SYN3: variants seen among roughly 807,000 people sequenced by gnomAD.
The protein encoded by SYN3 is synapsin III, also known as synapsin-3.
In SYN3, 35 loss-of-function variants were observed where a neutral mutation model predicts 65.8. The observed-to-expected ratio is 0.53, with a 90% confidence interval of 0.41 to 0.70. SYN3 has a LOEUF of 0.70. Among genes scored for constraint, SYN3 ranks in the 30% least tolerant of loss-of-function variants. SYN3 has a pLI of 0.00. For synonymous variants in SYN3, 270 were observed against 292.9 expected, an observed-to-expected ratio of 0.92 and a Z score of 0.80; for missense variants, 680 against 749.0, an observed-to-expected ratio of 0.91 and a Z score of 1.08.
At chr22:32,752,768 CAG>C (rs1473886762) in intron 6 of SYN3, among the ~76,000 whole-genome samples, 1 of 152,156 alleles carries the variant, frequency 6.6e-6, no homozygotes, top group African/African-American at 2.4e-5. Flanking sequence ...GACAGGAGAT[CAG>C]AGAGTTCCTG....
chr22:32,913,972 T>C (rs2050125565), intron 4 of SYN3, among the ~76,000 whole-genome samples: 1 of 152,226 alleles, frequency 6.6e-6, no homozygotes, highest in South Asian at 2.1e-4. Flanking sequence ...CTAAGATTTA[T>C]TGGGTGCTGA....
chr22:33,047,674 A>G (rs1187441840), intron 1 of SYN3, among the ~76,000 whole-genome samples: 1 of 152,074 alleles, frequency 6.6e-6, no homozygotes, highest in Non-Finnish European at 1.5e-5. Flanking sequence ...ATGTGAACAA[A>G]GAAGTTTGAG....
intron 6 of SYN3, among the ~76,000 whole-genome samples, chr22:32,626,936 G>T (rs1325818252): frequency 6.6e-6 from 1 of 152,192 alleles, no homozygotes; most frequent in Non-Finnish European, 1.5e-5. Context: ...ACACCTGGTT[G>T]GTTGGCAATA....
In SYN3 at chr22:32,509,105, T is replaced by C. The variant is rs181255826; in HGVS notation, c.*4587A>G. 1.1e-4 allele frequency among the ~76,000 whole-genome samples: 17 copies of C among 152,368 alleles called. No homozygotes were observed. The East Asian group carries it at 2.9e-3, about 26-fold the overall frequency. ...TGATGGAAGAGAAAGGATATGCCAC[T>C]GTTCCTGGAAAGCTGATTTTACATT... On this transcript the variant is annotated 3_prime_UTR_variant, in exon 14 of 14. Coordinates refer to ENST00000358763, the MANE Select transcript of SYN3 (RefSeq NM_003490.4).
chr22:33,024,271 A>G (rs2053604790), intron 1 of SYN3, among the ~76,000 whole-genome samples: 1 of 152,228 alleles, frequency 6.6e-6, no homozygotes, highest in African/African-American at 2.4e-5. Context: ...TTTCCATCAC[A>G]GACCTATGGC....
intron 4 of SYN3, among the ~76,000 whole-genome samples, chr22:32,902,689 C>T (rs747971727): frequency 3.3e-5 from 5 of 152,018 alleles, no homozygotes; most frequent in African/African-American, 4.8e-5. Context: ...GGATGGGACT[C>T]GTGGGCAGGT....
At chr22:32,668,902 G>A in intron 6 of SYN3, among the ~76,000 whole-genome samples, 1 of 152,176 alleles carries the variant, frequency 6.6e-6, no homozygotes, top group East Asian at 1.9e-4. Context: ...CTGTGTTCTA[G>A]GAGCCACATG....
intron 12 of SYN3, 162 bp downstream of exon 12, chr22:32,527,756 T>G (rs914698747): frequency 1.7e-6 from 1 of 605,354 alleles, no homozygotes; most frequent in East Asian, 2.9e-5. Flanking sequence ...CTTTCTTGAC[T>G]TTTTAAAGAG....
At chr22:32,605,260 G>A (rs1410788547) in intron 6 of SYN3, among the ~76,000 whole-genome samples, 2 of 152,112 alleles carry the variant, frequency 1.3e-5, no homozygotes, top group Admixed American at 6.5e-5. Flanking sequence ...CGAGTGGAAG[G>A]TTTGTTGGGG....
intron 6 of SYN3, among the ~76,000 whole-genome samples, chr22:32,763,719 G>C (rs553917462): frequency 6.6e-6 from 1 of 152,256 alleles, no homozygotes; most frequent in Admixed American, 6.5e-5. Context: ...GCCTTAGTAG[G>C]AAACTTTTTT....
chr22:32,520,828 C>T (rs1341154245), intron 12 of SYN3, among the ~76,000 whole-genome samples: 2 of 152,172 alleles, frequency 1.3e-5, no homozygotes, highest in Non-Finnish European at 2.9e-5. Context: ...CAGGTCCTGA[C>T]TCAAGCCTTG....
chr22:32,912,518 C>G (rs1047275444), intron 4 of SYN3, among the ~76,000 whole-genome samples: 4 of 151,954 alleles, frequency 2.6e-5, no homozygotes, highest in Non-Finnish European at 5.9e-5. Context: ...GAGTTTGAGA[C>G]AAGCCTGCGC....
intron 6 of SYN3, among the ~76,000 whole-genome samples, chr22:32,688,969 A>AC (rs1355697582): frequency 2.0e-5 from 3 of 152,052 alleles, no homozygotes; most frequent in African/African-American, 7.2e-5. Context: ...CCGACCTAAG[A>AC]CCCCAAGCCT....
intron 4 of SYN3, among the ~76,000 whole-genome samples, chr22:32,930,237 T>C (rs1165608578): frequency 6.6e-6 from 1 of 152,128 alleles, no homozygotes; most frequent in Non-Finnish European, 1.5e-5. Context: ...AATTGAATCA[T>C]GGGGGCGGGT....
chr22:32,890,985 C>T (rs2049429989), intron 4 of SYN3, among the ~76,000 whole-genome samples: 1 of 152,172 alleles, frequency 6.6e-6, no homozygotes, highest in Non-Finnish European at 1.5e-5. Context: ...ACTGGAAGCA[C>T]TTGCTGGACT....
intron 6 of SYN3, among the ~76,000 whole-genome samples, chr22:32,740,496 G>C (rs2061390594): frequency 1.3e-5 from 2 of 152,184 alleles, no homozygotes; most frequent in Non-Finnish European, 2.9e-5. Flanking sequence ...AGGGAAGAGA[G>C]ATGGAACAGC....
chr22:32,865,700 T>C (rs1004427986), intron 5 of SYN3, among the ~76,000 whole-genome samples: 1 of 152,210 alleles, frequency 6.6e-6, no homozygotes, highest in Non-Finnish European at 1.5e-5. Context: ...TTTTGCCAGA[T>C]ACTAGCTACT....
intron 6 of SYN3, chr22:32,785,124 T>G (rs1191044287): frequency 6.6e-6 from 1 of 150,866 alleles, no homozygotes; most frequent in African/African-American, 2.4e-5. Context: ...GGTGAATGCA[T>G]ATAGTCTGTT....
At chr22:32,548,226 G>A (rs867243042) in intron 7 of SYN3, among the ~76,000 whole-genome samples, 4 of 152,142 alleles carry the variant, frequency 2.6e-5, no homozygotes, top group African/African-American at 9.7e-5. Context: ...CTTTGCACTT[G>A]CTGTTCCGAG....
Sources: allele counts gnomAD v4.1 joint callset (sites outside exome capture counted in the v4.1 genomes callset), GRCh38; gene constraint gnomAD v4.1.1; transcripts MANE v1.5; gene names NCBI Gene and HGNC (gene_info 2026-07-23, HGNC 2026-07-21).